SSTR5: variants seen among roughly 807,000 people sequenced by gnomAD.
The protein encoded by SSTR5 is somatostatin receptor 5.
SSTR5 carries 1 observed loss-of-function variant against 0.3 expected under a neutral mutation model. The observed-to-expected ratio is 2.98, with a 90% CI of 1.06 to 14.15. The LOEUF is 14.15. Among genes scored for constraint, SSTR5 ranks in the 30% most tolerant of loss-of-function variants. The pLI is 0.12. For missense variants in SSTR5, 516 were observed against 543.2 expected (o/e 0.95, Z 0.50); for synonymous variants, 256 against 263.1 (o/e 0.97, Z 0.26).
Position 1,079,585 on chromosome 16 carries a change from G to A in SSTR5, c.717G>A (p.Arg239=). The change falls in exon 2 of 2, where the codon CGG becomes CGA. Residue 239 remains arginine (R), a synonymous_variant. Transcript: ENST00000689027. ...RAAGVRVGCV[R]RRSERKVTRM... is the part of the protein sequence containing the mutation. ...CGGGCGTGCGCGTGGGCTGCGTGCGGCGGCGCTCGGAGCGGAAGGTGACGC... is the reference window on the plus strand; with the variant it reads ...CGGGCGTGCGCGTGGGCTGCGTGCGACGGCGCTCGGAGCGGAAGGTGACGC... 2 of 1,611,252 alleles carry A rather than the reference G, an allele frequency of 1.2e-6. No homozygotes were observed. The highest frequency in any genetic ancestry group is 3.3e-4 in the Middle Eastern group (2 of 6,056).
intron 1 of SSTR5, chr16:1,078,563 T>C (rs1960263643): frequency 4.2e-6 from 2 of 480,708 alleles, no homozygotes; most frequent in Non-Finnish European, 7.6e-6. Context: ...CCAGGCGCCA[T>C]CTGGGTGCAG....
rs1334086475 is a variant in SSTR5 at position 1,079,527 on chromosome 16, G to T, written c.659G>T (p.Cys220Phe). 1 of 1,612,150 alleles carries T rather than the reference G, an allele frequency of 6.2e-7. No homozygotes were observed. Among genetic ancestry groups the T allele is most frequent in the Admixed American group, 1.7e-5 (1 of 59,944 alleles). ...FFAPLLVICL[C>F]YLLIVVKVRA... Reference sequence around the variant, plus strand: ...GCGCCGCTGCTGGTCATCTGCCTGTGCTACCTGCTCATCGTGGTGAAGGTG... The same window carrying T: ...GCGCCGCTGCTGGTCATCTGCCTGTTCTACCTGCTCATCGTGGTGAAGGTG... Residue 220 changes from cysteine (C) to phenylalanine (F), a missense_variant, in exon 2 of 2, where the codon TGC (cysteine) becomes TTC (phenylalanine). Transcript: ENST00000689027.
At chr16:1,077,569 G>A (rs521364) in intron 1 of SSTR5, 24,251 of 152,084 alleles carry the variant, frequency 0.16, 2,442 homozygotes, top group Non-Finnish European at 0.2. Flanking sequence ...GACTACAGGC[G>A]CCCGCCACCA....
At chr16:1,075,903 C>G (rs1268884939) in intron 1 of SSTR5, among the ~76,000 whole-genome samples, 3 of 86,014 alleles carry the variant, frequency 3.5e-5, no homozygotes, top group East Asian at 4.2e-4. Flanking sequence ...CTCTCCCCCC[C>G]CACTCTCTCT....
At chr16:1,075,099 T>C (rs2117752) in intron 1 of SSTR5, among the ~76,000 whole-genome samples, 53,523 of 152,108 alleles carry the variant, frequency 0.35, 10,213 homozygotes, top group East Asian at 0.78. Context: ...ACCGGGACAA[T>C]TCCCCGTGAG....
rs1422093238 is a variant in SSTR5, at chr16:1,079,449, T to C, written c.581T>C (p.Val194Ala). ...GTCNASWPEP[V>A]GLWGAVFIIY... is the part of the protein sequence containing the mutation. ...TGCAACGCCAGCTGGCCGGAGCCCG[T>C]GGGGCTGTGGGGCGCCGTCTTCATC... Residue 194 changes from valine (V) to alanine (A), a missense_variant, in exon 2 of 2, where the codon GTG becomes GCG. Transcript: ENST00000689027. The C allele has an allele frequency of 6.2e-7, 1 of 1,606,642 alleles. No homozygotes were observed. The highest frequency in any genetic ancestry group is 8.5e-7 in the Non-Finnish European group (1 of 1,177,068).
At position 1,080,216 on chromosome 16, in the gene SSTR5, G is replaced by A. The variant is rs759050609; in HGVS notation, c.*253G>A. ...GGTGGCCAGACCGGTGGGGGGCTCCGCCATGCCGTGCAAGTGCTCAGGGCC... is the reference window on the plus strand; with the variant it reads ...GGTGGCCAGACCGGTGGGGGGCTCCACCATGCCGTGCAAGTGCTCAGGGCC... On this transcript the variant is annotated 3_prime_UTR_variant, in exon 2 of 2. Coordinates refer to ENST00000689027, the MANE Select transcript of SSTR5 (RefSeq NM_001172560.3). 39 of 524,990 alleles carry A rather than the reference G, an allele frequency of 7.4e-5. No individual in the cohort carries two copies. The highest frequency in any genetic ancestry group is 6.5e-4 in the South Asian group (18 of 27,880). The allele number at this position is 524,990 out of a possible 1,614,324, so 32.5% of individuals were successfully genotyped here.
rs1161717524 is a variant in SSTR5 at position 1,081,358 on chromosome 16, A to C, written c.*1395A>C. On this transcript the variant is annotated 3_prime_UTR_variant, in exon 2 of 2. Coordinates refer to ENST00000689027, the MANE Select transcript of SSTR5 (RefSeq NM_001172560.3). ...AGTGGGCACAAATCCTGGCAGGAGAAAGGCCCAGGCTGAGGCCAGGCCTGG... is the reference window on the plus strand; with the variant it reads ...AGTGGGCACAAATCCTGGCAGGAGACAGGCCCAGGCTGAGGCCAGGCCTGG... 6.6e-6 allele frequency among the ~76,000 whole-genome samples: 1 copy of C among 152,226 alleles called. No homozygotes were observed. Among genetic ancestry groups the C allele is most frequent in the Non-Finnish European group, 1.5e-5 (1 of 68,034 alleles).
chr16:1,075,909 T>C (rs1476489894), intron 1 of SSTR5, among the ~76,000 whole-genome samples: 5 of 32,372 alleles, frequency 1.5e-4, no homozygotes, highest in Non-Finnish European at 2.8e-4. Context: ...CCCCCCACTC[T>C]CTCTCCCTCC....
rs35320396 is a variant in SSTR5, at chr16:1,080,061, C to T, written c.*98C>T. 4,797 of 1,443,288 alleles carry T rather than the reference C, an allele frequency of 3.3e-3. 125 individuals are homozygous for T. The African/African-American group carries it at 0.059, about 18-fold the overall frequency. 89.4% of individuals were successfully genotyped at this position (1,443,288 alleles called of 1,614,324 possible). A position where few individuals can be genotyped will look rare whatever the true frequency, so the allele number is the denominator to read the frequency against. On this transcript the variant is annotated 3_prime_UTR_variant, in exon 2 of 2. Coordinates refer to ENST00000689027, the MANE Select transcript of SSTR5 (RefSeq NM_001172560.3). ...ATGACCTGCCAGTCAGGATGCTCCCCGGCGGTGGTGTGAGGACAGAGCTGG... is the reference window on the plus strand; with the variant it reads ...ATGACCTGCCAGTCAGGATGCTCCCTGGCGGTGGTGTGAGGACAGAGCTGG...
At chr16:1,076,722 G>A (rs1046805892) in intron 1 of SSTR5, among the ~76,000 whole-genome samples, 1 of 98,342 alleles carries the variant, frequency 1.0e-5, no homozygotes, top group East Asian at 2.0e-4. Context: ...CACTTTTGTA[G>A]TGTTTTTTTC....
Position 1,080,514 on chromosome 16 carries a change from G to A in SSTR5, c.*551G>A, listed in dbSNP as rs1960348427. Among the ~76,000 whole-genome samples, 1 of 152,262 alleles carries A rather than the reference G, an allele frequency of 6.6e-6. No individual in the cohort carries two copies. Among genetic ancestry groups the A allele is most frequent in the Non-Finnish European group, 1.5e-5 (1 of 68,042 alleles). ...CACTGTGTGGACTCTGGGGATGCAG[G>A]TGTAAGGGGAGTGTGGCTGGGCAGC... On this transcript the variant is annotated 3_prime_UTR_variant, in exon 2 of 2. Coordinates refer to ENST00000689027, the MANE Select transcript of SSTR5 (RefSeq NM_001172560.3).
In SSTR5 at chr16:1,080,688, G is replaced by A. The variant is rs1000032817; in HGVS notation, c.*725G>A. On this transcript the variant is annotated 3_prime_UTR_variant, in exon 2 of 2. Coordinates refer to ENST00000689027, the MANE Select transcript of SSTR5 (RefSeq NM_001172560.3). Reference sequence around the variant, plus strand: ...CTAGCCAGGGGCGAGGTGGGGAGGCGGCTGGTGCAGAGGAGAGCTGGGGGC... The same window carrying A: ...CTAGCCAGGGGCGAGGTGGGGAGGCAGCTGGTGCAGAGGAGAGCTGGGGGC... 3.3e-5 allele frequency among the ~76,000 whole-genome samples: 5 copies of A among 152,206 alleles called. No homozygotes were observed. Among genetic ancestry groups the A allele is most frequent in the African/African-American group, 4.8e-5 (2 of 41,456 alleles).
At position 1,080,148 on chromosome 16, in the gene SSTR5, C is replaced by T. The variant is rs569923357; in HGVS notation, c.*185C>T. On this transcript the variant is annotated 3_prime_UTR_variant, in exon 2 of 2. Transcript: ENST00000689027. ...TCCCCACCGTGACCGACCATCCCCT[C>T]TAACCGTCTGCCACACAGCGGGGGC... The T allele has an allele frequency of 1.2e-6, 1 of 817,528 alleles. No homozygotes were observed. The highest frequency in any genetic ancestry group is 1.7e-5 in the African/African-American group (1 of 57,852). The allele number at this position is 817,528 out of a possible 1,614,324, so 50.6% of individuals were successfully genotyped here. A position where few individuals can be genotyped will look rare whatever the true frequency, so the allele number is the denominator to read the frequency against.
At chr16:1,073,608 C>T (rs1397709730) in intron 1 of SSTR5, 3 of 152,380 alleles carry the variant, frequency 2.0e-5, no homozygotes, top group Non-Finnish European at 2.9e-5. Flanking sequence ...GAATAGAGAA[C>T]ACGCCACTGG....
chr16:1,081,016 G>C lies in SSTR5; in HGVS notation c.*1053G>C. The C allele has an allele frequency of 2.1e-6, 1 of 470,126 alleles. No individual in the cohort carries two copies. The allele number at this position is 470,126 out of a possible 1,614,324, so 29.1% of individuals were successfully genotyped here. On this transcript the variant is annotated 3_prime_UTR_variant, in exon 2 of 2. Transcript: ENST00000689027. ...AGGCCACAGCAGACAGCACTGCTGA[G>C]AGGCAGCGGCCGCGCGGGTGACGCA... is the stretch of plus-strand genomic sequence containing the variant.
At chr16:1,076,415 T>C (rs1392808998) in intron 1 of SSTR5, among the ~76,000 whole-genome samples, 2 of 147,126 alleles carry the variant, frequency 1.4e-5, no homozygotes, top group Non-Finnish European at 3.0e-5. Context: ...CTCTGGCTCC[T>C]GCCTGTGGGA....
Position 1,079,802 on chromosome 16 carries a change from C to A in SSTR5, c.934C>A (p.Arg312Ser). 1.2e-6 allele frequency: 2 copies of A among 1,612,488 alleles called. No individual in the cohort carries two copies. The highest frequency in any genetic ancestry group is 1.7e-6 in the Non-Finnish European group (2 of 1,179,908). Residue 312 changes from arginine (R) to serine (S), a missense_variant, in exon 2 of 2, where the codon CGC (arginine) becomes AGC (serine). Transcript: ENST00000689027. ...CTACGGCTTCCTCTCTGACAACTTC[C>A]GCCAGAGCTTCCAGAAGGTTCTGTG... The part of the protein sequence containing the change: ...VLYGFLSDNF[R>S]QSFQKVLCLR...
rs896657467 is a variant in SSTR5, at chr16:1,077,266, G to A, written c.-27-1576G>A. Among the ~76,000 whole-genome samples, 7 of 152,168 alleles carry A rather than the reference G, an allele frequency of 4.6e-5. No homozygotes were observed. The South Asian group carries it at 1.0e-3, about 22-fold the overall frequency. On this transcript the variant is annotated intron_variant, in intron 1 of 1. Transcript: ENST00000689027. Reference sequence around the variant, plus strand: ...GGCACATGCTGAGGTCACCACAGCCGGCTCCACCCCTGCTCAGGCCGAGGT... The same window carrying A: ...GGCACATGCTGAGGTCACCACAGCCAGCTCCACCCCTGCTCAGGCCGAGGT...
Sources: allele counts gnomAD v4.1 joint callset (sites outside exome capture counted in the v4.1 genomes callset), GRCh38; gene constraint gnomAD v4.1.1; transcripts MANE v1.5; gene names NCBI Gene and HGNC (gene_info 2026-07-23, HGNC 2026-07-21).